The following RASGRF1 variants were observed in gnomAD, a reference collection of about 807,000 sequenced individuals.
RASGRF1 encodes ras-specific guanine nucleotide-releasing factor 1.
RASGRF1 carries 40 observed loss-of-function variants against 138.7 expected under a neutral mutation model. The observed-to-expected ratio is 0.29, with a 90% CI of 0.22 to 0.38. The LOEUF is 0.38. Ranked by LOEUF, RASGRF1 falls within the 10% of genes least tolerant of loss-of-function variation. The pLI, the probability that RASGRF1 is intolerant of heterozygous loss-of-function variation, is 1.00. For missense variants in RASGRF1, 1,108 were observed against 1,650.4 expected, an observed-to-expected ratio of 0.67 and a Z score of 5.69; for synonymous variants, 614 against 663.2, an observed-to-expected ratio of 0.93 and a Z score of 1.14.
chr15:78,994,926 CT>C (rs72369256), intron 20 of RASGRF1, among the ~76,000 whole-genome samples: 12,110 of 135,956 alleles, frequency 0.089, 999 homozygotes, highest in African/African-American at 0.18. Flanking sequence ...CTTCCAGCAC[CT>C]TTTTTTTTTT....
intron 5 of RASGRF1, among the ~76,000 whole-genome samples, chr15:79,043,776 C>T (rs1471773825): frequency 2.6e-5 from 4 of 152,212 alleles, no homozygotes; most frequent in African/African-American, 7.2e-5. Flanking sequence ...CAGGCATGCA[C>T]ACTGCCCAGG....
Position 79,090,619 on chromosome 15 carries a change from C to A in RASGRF1, c.-121G>T, listed in dbSNP as rs1406629435. 5.1e-6 allele frequency: 7 copies of A among 1,382,266 alleles called. No homozygotes were observed. The highest frequency in any genetic ancestry group is 6.9e-6 in the Non-Finnish European group (7 of 1,013,822). The allele number at this position is 1,382,266 out of a possible 1,614,324, so 85.6% of individuals were successfully genotyped here. ...CGCTCGCTCGCTCCCTCTAGCTCTCCCCTCCCCCCAAATATCTACACTCCA... is the reference window on the plus strand; with the variant it reads ...CGCTCGCTCGCTCCCTCTAGCTCTCACCTCCCCCCAAATATCTACACTCCA... On this transcript the variant is annotated 5_prime_UTR_variant, in exon 1 of 27. Transcript: ENST00000558480.
intron 15 of RASGRF1, among the ~76,000 whole-genome samples, chr15:79,002,356 A>G (rs2056549167): frequency 6.6e-6 from 1 of 152,164 alleles, no homozygotes; most frequent in Non-Finnish European, 1.5e-5. Context: ...GATGAATTAT[A>G]TTAAAAGCCT....
Position 78,961,914 on chromosome 15 carries a change from C to T in RASGRF1, c.*230G>A. ...TAGGGAAGAGGGACCAAGAGTACAG[C>T]TGTTTAAAAGAAACAGGCACTGCAG... is the stretch of plus-strand genomic sequence containing the variant. On this transcript the variant is annotated 3_prime_UTR_variant, in exon 27 of 27. Coordinates refer to ENST00000558480, the MANE Select transcript of RASGRF1 (RefSeq NM_001145648.3). 7 of 477,682 alleles carry T rather than the reference C, an allele frequency of 1.5e-5. No individual in the cohort carries two copies. Among genetic ancestry groups the T allele is most frequent in the Non-Finnish European group, 2.2e-5 (6 of 266,900 alleles). The allele number at this position is 477,682 out of a possible 1,614,324, so 29.6% of individuals were successfully genotyped here.
chr15:79,027,313 G>A lies in RASGRF1; in HGVS notation c.1381+428C>T, dbSNP rs2057073671. Among the ~76,000 whole-genome samples the A allele has an allele frequency of 6.6e-6, 1 of 152,146 alleles. No individual in the cohort carries two copies. Among genetic ancestry groups the A allele is most frequent in the Admixed American group, 6.5e-5 (1 of 15,280 alleles). ...AAATGGTCTCTCCAAAGCAGCAGAG[G>A]ATGATGAGGAAAGGACAGGGGAATG... On this transcript the variant is annotated intron_variant, in intron 9 of 26. Coordinates refer to ENST00000558480, the MANE Select transcript of RASGRF1 (RefSeq NM_001145648.3). This position sits in a 1 kb window ranked among gnomAD's most constrained non-coding sequence, Gnocchi z 4.8.
chr15:78,993,061 TGG>T (rs1261438388), intron 20 of RASGRF1, among the ~76,000 whole-genome samples: 10 of 144,050 alleles, frequency 6.9e-5, no homozygotes, highest in African/African-American at 2.3e-4. Flanking sequence ...GGGTGGTGTG[TGG>T]GTGGTGTGTG....
intron 10 of RASGRF1, among the ~76,000 whole-genome samples, chr15:79,023,945 G>A (rs916815782): frequency 2.0e-5 from 3 of 149,850 alleles, no homozygotes; most frequent in Non-Finnish European, 4.5e-5. Flanking sequence ...CACACACACA[G>A]ATACAAAAAC....
In RASGRF1 at chr15:79,004,000, C is replaced by T. The variant is rs2056610308; in HGVS notation, c.2251G>A (p.Gly751Ser). The change falls in exon 15 of 27, where the codon GGC becomes AGC. Residue 751 changes from glycine to serine, a missense_variant. By Grantham distance (56) the Gly-to-Ser change is moderately conservative. Transcript: ENST00000558480. ...LSLNIPIITG[G>S]KALDLAALSC... ...AGGGCGGCCAGGTCCAGGGCCTTGCCGCCAGTGATGATGGGGATGTTCAGG... is the reference window on the plus strand; with the variant it reads ...AGGGCGGCCAGGTCCAGGGCCTTGCTGCCAGTGATGATGGGGATGTTCAGG... 2.5e-6 allele frequency: 4 copies of T among 1,613,956 alleles called. No homozygotes were observed. The highest frequency in any genetic ancestry group is 2.2e-5 in the South Asian group (2 of 91,068).
intron 1 of RASGRF1, among the ~76,000 whole-genome samples, chr15:79,086,038 G>A (rs1399290638): frequency 2.6e-5 from 4 of 152,134 alleles, no homozygotes; most frequent in Admixed American, 1.3e-4. Flanking sequence ...AGGAACATTT[G>A]GGGGATGGGG....
At chr15:79,086,110 G>A (rs2057975927) in intron 1 of RASGRF1, among the ~76,000 whole-genome samples, 1 of 152,182 alleles carries the variant, frequency 6.6e-6, no homozygotes, top group African/African-American at 2.4e-5. Context: ...ATTGGGCATG[G>A]TCTGGAACGG....
intron 3 of RASGRF1, among the ~76,000 whole-genome samples, chr15:79,049,974 A>AT (rs1450608820): frequency 6.6e-6 from 1 of 152,068 alleles, no homozygotes; most frequent in African/African-American, 2.4e-5. Context: ...TTTAAAAATA[A>AT]TTTTTGCTGT....
chr15:79,009,018 A>T (rs2056741303), intron 13 of RASGRF1, among the ~76,000 whole-genome samples: 1 of 152,146 alleles, frequency 6.6e-6, no homozygotes, highest in African/African-American at 2.4e-5. Context: ...CACCTCTGTC[A>T]TCTCTAACCA....
At chr15:79,018,601 T>C (rs1202463956) in intron 11 of RASGRF1, among the ~76,000 whole-genome samples, 1 of 152,120 alleles carries the variant, frequency 6.6e-6, no homozygotes, top group African/African-American at 2.4e-5. Flanking sequence ...GATGTTGAGG[T>C]GGTTTCCTTC....
intron 16 of RASGRF1, among the ~76,000 whole-genome samples, chr15:79,000,625 G>C (rs544971071): frequency 1.2e-4 from 18 of 152,284 alleles, no homozygotes; most frequent in African/African-American, 4.1e-4. Context: ...ATTTTTAGTA[G>C]TAATGATAGG....
At chr15:78,988,011 G>A (rs537460479) in intron 22 of RASGRF1, among the ~76,000 whole-genome samples, 18 of 152,318 alleles carry the variant, frequency 1.2e-4, no homozygotes, top group Admixed American at 2.6e-4. Flanking sequence ...AGGGAGAGAC[G>A]AGGAAAATCA....
intron 1 of RASGRF1, among the ~76,000 whole-genome samples, chr15:79,084,523 T>G (rs1234483944): frequency 3.9e-5 from 6 of 152,220 alleles, no homozygotes; most frequent in African/African-American, 1.4e-4. Flanking sequence ...CTTCATTCCC[T>G]GGGCTCTGGA....
intron 26 of RASGRF1, among the ~76,000 whole-genome samples, chr15:78,966,783 A>C (rs936444123): frequency 6.6e-6 from 1 of 152,162 alleles, no homozygotes; most frequent in Non-Finnish European, 1.5e-5. Flanking sequence ...TGCAGCAGCC[A>C]TTAGCCACGT....
At chr15:78,994,380 G>A (rs2056345784) in intron 20 of RASGRF1, among the ~76,000 whole-genome samples, 1 of 152,226 alleles carries the variant, frequency 6.6e-6, no homozygotes, top group African/African-American at 2.4e-5. Flanking sequence ...AGGGGAACAT[G>A]GGAGGGGCAG....
At chr15:79,082,049 T>G (rs2057920697) in intron 1 of RASGRF1, among the ~76,000 whole-genome samples, 1 of 152,162 alleles carries the variant, frequency 6.6e-6, no homozygotes, top group Non-Finnish European at 1.5e-5. Flanking sequence ...CGTGTCCTCA[T>G]GAAACCACCA....
Sources: gnomAD v4.1 joint callset for allele counts (sites outside exome capture counted in the v4.1 genomes callset) on GRCh38, gnomAD v4.1.1 for gene constraint, Gnocchi (gnomAD v3.1) non-coding constraint, MANE v1.5 for transcripts, NCBI Gene and HGNC (gene_info 2026-07-23, HGNC 2026-07-21) for gene names.